Variants in GAREM1 observed in about 807,000 individuals in gnomAD.
The protein encoded by GAREM1 is GRB2 associated regulator of MAPK1 subtype 1.
A neutral mutation model predicts 71.3 loss-of-function variants in GAREM1; 26 were observed. That is an observed-to-expected ratio of 0.36 (90% CI 0.27 to 0.51). GAREM1 has a LOEUF of 0.51. Among genes scored for constraint, GAREM1 ranks in the 20% least tolerant of loss-of-function variants. GAREM1 has a pLI of 0.95. For missense variants in GAREM1, 1,026 were observed against 1,103.1 expected, an observed-to-expected ratio of 0.93 and a Z score of 0.99; for synonymous variants, 440 against 433.2, an observed-to-expected ratio of 1.02 and a Z score of -0.20.
chr18:32,312,084 C>A (rs912814402), intron 2 of GAREM1, among the ~76,000 whole-genome samples: 1 of 152,204 alleles, frequency 6.6e-6, no homozygotes, highest in Non-Finnish European at 1.5e-5. Flanking sequence ...GGAGTTCAGT[C>A]TGGACAGGTA....
At chr18:32,283,637 A>C (rs2046977795) in intron 4 of GAREM1, among the ~76,000 whole-genome samples, 1 of 152,246 alleles carries the variant, frequency 6.6e-6, no homozygotes, top group African/African-American at 2.4e-5. Context: ...TAGAGCATCA[A>C]ATACAAAGAT....
chr18:32,410,193 T>C (rs751922953), intron 1 of GAREM1, among the ~76,000 whole-genome samples: 7 of 152,190 alleles, frequency 4.6e-5, no homozygotes, highest in Non-Finnish European at 8.8e-5. Context: ...CAGGCATGTT[T>C]CTAAGATCCC....
intron 2 of GAREM1, among the ~76,000 whole-genome samples, chr18:32,361,307 C>G (rs2047862812): frequency 6.6e-6 from 1 of 152,114 alleles, no homozygotes; most frequent in African/African-American, 2.4e-5. Flanking sequence ...TTGGCATGAG[C>G]CTTTTAAAGA....
chr18:32,465,548 C>T lies in GAREM1; in HGVS notation c.121+4760G>A, dbSNP rs140986592. Among the ~76,000 whole-genome samples the T allele has an allele frequency of 2.2e-3, 338 of 152,338 alleles. 3 individuals carry two copies. Among genetic ancestry groups the T allele is most frequent in the African/African-American group, 7.6e-3 (318 of 41,574 alleles). ...AGGAGAGACGGTCACTGCTCCTGTTCTACCTACTTAGCAGTCTCCTACTCT... is the reference window on the plus strand; with the variant it reads ...AGGAGAGACGGTCACTGCTCCTGTTTTACCTACTTAGCAGTCTCCTACTCT... On this transcript the variant is annotated intron_variant, in intron 1 of 5. Transcript: ENST00000269209.
Position 32,280,839 on chromosome 18 carries a change from C to T in GAREM1, c.1566+6192G>A, listed in dbSNP as rs1256185662. ...TGACCCCCGTGGTAGCTGGCTCTGC[C>T]CATCTGCTGTGGGGATGGATATGTC... On this transcript the variant is annotated intron_variant, in intron 4 of 5. Transcript: ENST00000269209. 2.0e-5 allele frequency among the ~76,000 whole-genome samples: 3 copies of T among 152,104 alleles called. No homozygotes were observed. In the East Asian group the frequency reaches 5.8e-4, roughly 29 times the overall value.
intron 2 of GAREM1, among the ~76,000 whole-genome samples, chr18:32,316,410 A>G (rs2047378264): frequency 6.6e-6 from 1 of 152,150 alleles, no homozygotes; most frequent in Non-Finnish European, 1.5e-5. Context: ...TATATTTTAA[A>G]CTTTCTCTTG....
chr18:32,409,965 G>A (rs941113071), intron 1 of GAREM1, among the ~76,000 whole-genome samples: 5 of 152,154 alleles, frequency 3.3e-5, no homozygotes, highest in Admixed American at 2.0e-4. Flanking sequence ...ACAATATAGA[G>A]ACATTCCTCT....
chr18:32,411,493 C>CT (rs567164283), intron 1 of GAREM1, among the ~76,000 whole-genome samples: 22 of 148,808 alleles, frequency 1.5e-4, no homozygotes, highest in African/African-American at 2.5e-4. Context: ...AAAAATATTT[C>CT]TTTTTTTTTT....
At chr18:32,464,487 C>CT (rs2048981050) in intron 1 of GAREM1, among the ~76,000 whole-genome samples, 1 of 152,128 alleles carries the variant, frequency 6.6e-6, no homozygotes, top group South Asian at 2.1e-4. Context: ...GAACCCATCT[C>CT]TTTTTTTAAA....
Position 32,268,607 on chromosome 18 carries a change from C to A in GAREM1, c.1895G>T (p.Gly632Val), listed in dbSNP as rs1195863060. ...ACTCCTGGTCTGGCTTTCTGATGCT[C>A]CTGAATAATGGTTAGGCCATGAGAG... ...SRLSWPNHYS[G>V]ASESQTRSDF... Residue 632 changes from glycine to valine, a missense_variant, in exon 6 of 6, where the codon GGA (glycine) becomes GTA (valine). By Grantham distance (109) the Gly-to-Val change is moderately radical. This residue lies in a region of GAREM1 where 636 missense variants were observed against 631.2 expected (regional missense o/e 1.01). Transcript: ENST00000269209. 2.5e-6 allele frequency: 4 copies of A among 1,614,114 alleles called. No individual in the cohort carries two copies. The highest frequency in any genetic ancestry group is 2.2e-5 in the South Asian group (2 of 91,068).
At chr18:32,418,098 A>C (rs2048481557) in intron 1 of GAREM1, among the ~76,000 whole-genome samples, 1 of 152,194 alleles carries the variant, frequency 6.6e-6, no homozygotes, top group South Asian at 2.1e-4. Context: ...ATTTTCTTCC[A>C]TCTCATATTT....
Position 32,470,273 on chromosome 18 carries a change from T to A in GAREM1, c.121+35A>T, listed in dbSNP as rs759997918. 2.6e-5 allele frequency: 38 copies of A among 1,467,700 alleles called. 1 individual carries two copies. In the South Asian group the frequency reaches 4.2e-4, roughly 16 times the overall value. 90.9% of individuals were successfully genotyped at this position (1,467,700 alleles called of 1,614,324 possible). A position where few individuals can be genotyped will look rare whatever the true frequency, so the allele number is the denominator to read the frequency against. On this transcript the variant is annotated intron_variant, in intron 1 of 5. Transcript: ENST00000269209. This position sits in a 1 kb window ranked among gnomAD's most constrained non-coding sequence, Gnocchi z 4.4. ...CACACCCGCGTGGAGACGGCTGTCC[T>A]CGCCCGTCTGCCCCGCGCCCCAGCT...
At chr18:32,311,471 C>T (rs2047322132) in intron 2 of GAREM1, among the ~76,000 whole-genome samples, 1 of 152,058 alleles carries the variant, frequency 6.6e-6, no homozygotes, top group Non-Finnish European at 1.5e-5. Flanking sequence ...GAGATGGATA[C>T]TATAATACAT....
intron 3 of GAREM1, among the ~76,000 whole-genome samples, chr18:32,295,212 G>A (rs1567953252): frequency 6.6e-6 from 1 of 151,906 alleles, no homozygotes; most frequent in African/African-American, 2.4e-5. Flanking sequence ...TTACAGGAGT[G>A]AGCCACGTGC....
At position 32,287,591 on chromosome 18, in the gene GAREM1, T is replaced by C. The variant is rs369428584; in HGVS notation, c.1006A>G (p.Ile336Val). Residue 336 changes from isoleucine (I) to valine (V), a missense_variant, in exon 4 of 6, where the codon ATC becomes GTC. Physicochemically the swap from Ile to Val is conservative, Grantham distance 29. Transcript: ENST00000269209. This position sits in a 1 kb window ranked among gnomAD's most constrained non-coding sequence, Gnocchi z 5.9. ...WLGICQEQFD[I>V]DEYSRAVRDV... ...CGGACAGCCCGTGAATACTCATCGA[T>C]GTCGAACTGTTCTTGGCAGATACCT... 1.8e-5 allele frequency: 29 copies of C among 1,614,088 alleles called. No homozygotes were observed. The highest frequency in any genetic ancestry group is 2.4e-5 in the Non-Finnish European group (28 of 1,180,052).
At chr18:32,324,048 AG>A (rs1390479998) in intron 2 of GAREM1, among the ~76,000 whole-genome samples, 1 of 152,186 alleles carries the variant, frequency 6.6e-6, no homozygotes, top group Admixed American at 6.6e-5. Context: ...GACAAAGGAA[AG>A]GAAGACCACG....
At chr18:32,398,191 A>G (rs2048277047) in intron 1 of GAREM1, among the ~76,000 whole-genome samples, 1 of 152,218 alleles carries the variant, frequency 6.6e-6, no homozygotes, top group South Asian at 2.1e-4. Context: ...TTATAGCACT[A>G]AATGCCCACA....
intron 2 of GAREM1, among the ~76,000 whole-genome samples, chr18:32,354,612 T>C (rs2047786850): frequency 6.6e-6 from 1 of 152,158 alleles, no homozygotes; most frequent in Non-Finnish European, 1.5e-5. Context: ...AAATTGAATA[T>C]TCTGATCATC....
chr18:32,393,941 C>T (rs987866817), intron 1 of GAREM1, among the ~76,000 whole-genome samples: 1 of 152,134 alleles, frequency 6.6e-6, no homozygotes, highest in Non-Finnish European at 1.5e-5. Context: ...CACTATATTA[C>T]AGTAATTAAG....
Sources: allele counts gnomAD v4.1 joint callset (sites outside exome capture counted in the v4.1 genomes callset), GRCh38; gene constraint gnomAD v4.1.1; regional missense constraint gnomAD v4.1.1; non-coding constraint Gnocchi (gnomAD v3.1); transcripts MANE v1.5; gene names NCBI Gene and HGNC (gene_info 2026-07-23, HGNC 2026-07-21).